The following IL36B variants were observed in gnomAD, a reference collection of about 807,000 sequenced individuals.
IL36B encodes interleukin-36 beta.
In IL36B, 23 loss-of-function variants were observed where a neutral mutation model predicts 19.3. That is an observed-to-expected ratio of 1.19 (90% CI 0.86 to 1.69). IL36B has a LOEUF of 1.69. Among genes scored for constraint, IL36B ranks in the 40% most tolerant of loss-of-function variants. The pLI is 0.00. For synonymous variants in IL36B, 59 were observed against 59.7 expected, an observed-to-expected ratio of 0.99 and a Z score of 0.05; for missense variants, 217 against 200.5, an observed-to-expected ratio of 1.08 and a Z score of -0.50.
intron 1 of IL36B, among the ~76,000 whole-genome samples, chr2:113,032,681 C>T (rs11123155): frequency 0.59 from 89,906 of 151,728 alleles, 26,838 homozygotes; most frequent in South Asian, 0.72. Flanking sequence ...GCTTTTGTCC[C>T]TCGTTTCAAA....
At chr2:113,029,447 G>A (rs890987713) in intron 3 of IL36B, among the ~76,000 whole-genome samples, 25 of 152,200 alleles carry the variant, frequency 1.6e-4, no homozygotes, top group African/African-American at 6.0e-4. Context: ...GATGGCAGTG[G>A]TCCAGGCAAG....
In IL36B at chr2:113,031,172, A is replaced by G; in HGVS notation, c.14-17T>C. The G allele has an allele frequency of 6.4e-7, 1 of 1,556,452 alleles. No homozygotes were observed. Among genetic ancestry groups the G allele is most frequent in the South Asian group, 1.1e-5 (1 of 89,932 alleles). On this transcript the variant is annotated splice_polypyrimidine_tract_variant and intron_variant, in intron 2 of 5. Transcript: ENST00000259213. ...CTGCCTCCCCTGCCAGATGACAAAA[A>G]TGCACAAAATACACGTGAGGTTATC...
chr2:113,043,624 G>A (rs549319881), intron 1 of IL36B, among the ~76,000 whole-genome samples: 1 of 151,914 alleles, frequency 6.6e-6, no homozygotes, highest in East Asian at 1.9e-4. Flanking sequence ...TGCATGGCAC[G>A]ATCTCAGCTC....
intron 3 of IL36B, among the ~76,000 whole-genome samples, chr2:113,029,565 G>GT (rs1685034921): frequency 6.6e-6 from 1 of 152,222 alleles, no homozygotes; most frequent in Non-Finnish European, 1.5e-5. Context: ...GATGTCTCCT[G>GT]TATTTCCGGC....
At chr2:113,047,793 A>G (rs1319960035) in intron 1 of IL36B, among the ~76,000 whole-genome samples, 1 of 150,836 alleles carries the variant, frequency 6.6e-6, no homozygotes, top group African/African-American at 2.5e-5. Context: ...AAAGTGGTAT[A>G]AAAAAATTAA....
In IL36B at chr2:113,031,067, A is replaced by G; in HGVS notation, c.102T>C (p.Leu34=). The G allele has an allele frequency of 1.2e-6, 2 of 1,612,096 alleles. No homozygotes were observed. Among genetic ancestry groups the G allele is most frequent in the Non-Finnish European group, 1.7e-6 (2 of 1,178,104 alleles). ...ACTCACCAGGCTTAATGCTGCGGCT[A>G]AGAGGAGCTGCTATTAAAGAATTTC... Residue 34 remains leucine, a synonymous_variant, in exon 3 of 6, where the codon CTT becomes CTC. Transcript: ENST00000259213.
At chr2:113,049,950 C>T (rs1162207243) in intron 1 of IL36B, among the ~76,000 whole-genome samples, 3 of 150,568 alleles carry the variant, frequency 2.0e-5, no homozygotes, top group Non-Finnish European at 4.4e-5. Context: ...AGTGAAACTC[C>T]GTCTAAAAAA....
chr2:113,046,332 C>T lies in IL36B; in HGVS notation c.-58+6485G>A, dbSNP rs567873039. ...TCATGCCATTCTCCTGCTTCAACCT[C>T]CTGAGTAGCTGGGACTACAGACTCC... On this transcript the variant is annotated intron_variant, in intron 1 of 5. Coordinates refer to ENST00000259213, the MANE Select transcript of IL36B (RefSeq NM_014438.5). Among the ~76,000 whole-genome samples the T allele has an allele frequency of 5.9e-5, 9 of 151,834 alleles. No individual in the cohort carries two copies. In the East Asian group the frequency reaches 1.7e-3, roughly 29 times the overall value.
chr2:113,022,758 A>G lies in IL36B; in HGVS notation c.411T>C (p.Ser137=). The G allele has an allele frequency of 6.2e-7, 1 of 1,611,276 alleles. No individual in the cohort carries two copies. The highest frequency in any genetic ancestry group is 1.3e-5 in the African/African-American group (1 of 74,882). Reference sequence around the variant, plus strand: ...TCCTGAGATGGTGATGTTGAAAGGAACTCTTCCACTTCTTTCTACCTGCAG... The same window carrying G: ...TCCTGAGATGGTGATGTTGAAAGGAGCTCTTCCACTTCTTTCTACCTGCAG... Residue 137 remains serine (S), a synonymous_variant, in exon 6 of 6, where the codon AGT becomes AGC. Coordinates refer to ENST00000259213, the MANE Select transcript of IL36B (RefSeq NM_014438.5).
intron 4 of IL36B, chr2:113,026,286 T>C (rs1478906418): frequency 6.2e-7 from 1 of 1,607,732 alleles, no homozygotes; most frequent in East Asian, 2.2e-5. Flanking sequence ...CAGGTTACAC[T>C]GTCTCAAAGT....
chr2:113,044,537 A>G (rs1685316791), intron 1 of IL36B, among the ~76,000 whole-genome samples: 1 of 152,048 alleles, frequency 6.6e-6, no homozygotes, highest in Non-Finnish European at 1.5e-5. Flanking sequence ...TAGCCACTCC[A>G]ACTTGCTTTT....
chr2:113,031,771 T>A lies in IL36B; in HGVS notation c.-57-5A>T. On this transcript the variant is annotated splice_polypyrimidine_tract_variant and splice_region_variant and intron_variant, in intron 1 of 5. Coordinates refer to ENST00000259213, the MANE Select transcript of IL36B (RefSeq NM_014438.5). ...GATCAGATGGTGGTGAGGAGGCTGT[T>A]AACAGTTGGCCATGTGAGAGAAGGA... 5 of 1,344,804 alleles carry A rather than the reference T, an allele frequency of 3.7e-6. No individual in the cohort carries two copies. The highest frequency in any genetic ancestry group is 1.8e-4 in the Middle Eastern group (1 of 5,502). The allele number at this position is 1,344,804 out of a possible 1,614,324, so 83.3% of individuals were successfully genotyped here.
chr2:113,036,988 C>T (rs985406696), intron 1 of IL36B, among the ~76,000 whole-genome samples: 2 of 152,264 alleles, frequency 1.3e-5, no homozygotes, highest in Non-Finnish European at 2.9e-5. Flanking sequence ...ACTGTGGTAG[C>T]ACAAGTGCTA....
At chr2:113,034,571 T>C (rs1685133275) in intron 1 of IL36B, among the ~76,000 whole-genome samples, 1 of 152,250 alleles carries the variant, frequency 6.6e-6, no homozygotes, top group African/African-American at 2.4e-5. Flanking sequence ...CAGAGAACTA[T>C]GTGCTCAGTG....
chr2:113,041,352 G>T (rs1044683261), intron 1 of IL36B, among the ~76,000 whole-genome samples: 1 of 152,158 alleles, frequency 6.6e-6, no homozygotes, highest in African/African-American at 2.4e-5. Context: ...GGGAGAAAGA[G>T]ATACCTTTTA....
chr2:113,044,335 A>G lies in IL36B; in HGVS notation c.-58+8482T>C, dbSNP rs114504935. 1.9e-3 allele frequency among the ~76,000 whole-genome samples: 284 copies of G among 151,074 alleles called. 1 individual carries two copies. Among genetic ancestry groups the G allele is most frequent in the African/African-American group, 6.6e-3 (271 of 41,212 alleles). On this transcript the variant is annotated intron_variant, in intron 1 of 5. Transcript: ENST00000259213. ...ATTTAGAAACATTGCTCTGTTGCCC[A>G]GGCTGGAGTACAGTGGCATGATCAT...
At chr2:113,044,104 A>G (rs1480012472) in intron 1 of IL36B, among the ~76,000 whole-genome samples, 4 of 152,182 alleles carry the variant, frequency 2.6e-5, no homozygotes, top group Non-Finnish European at 5.9e-5. Flanking sequence ...TGAGGAAGGC[A>G]TATCGTTCTG....
In IL36B at chr2:113,046,491, A is replaced by G. The variant is rs35423680; in HGVS notation, c.-58+6326T>C. On this transcript the variant is annotated intron_variant, in intron 1 of 5. Coordinates refer to ENST00000259213, the MANE Select transcript of IL36B (RefSeq NM_014438.5). ...CCAAAGTGTTGGGATTACAGGCGTG[A>G]GCCACCGCGCCTGCCCTCTTCAGTT... Among the ~76,000 whole-genome samples the G allele has an allele frequency of 2.4e-3, 372 of 152,308 alleles. 1 individual carries two copies. The highest frequency in any genetic ancestry group is 7.8e-3 in the African/African-American group (325 of 41,570).
At chr2:113,044,456 C>T (rs1013159129) in intron 1 of IL36B, among the ~76,000 whole-genome samples, 3 of 151,958 alleles carry the variant, frequency 2.0e-5, no homozygotes, top group Non-Finnish European at 4.4e-5. Context: ...CCATGTTCAG[C>T]TATTTTTTTT....
Sources: allele counts gnomAD v4.1 joint callset (sites outside exome capture counted in the v4.1 genomes callset), GRCh38; gene constraint gnomAD v4.1.1; transcripts MANE v1.5; gene names NCBI Gene and HGNC (gene_info 2026-07-23, HGNC 2026-07-21).